Variants in COX10 observed in about 807,000 individuals in gnomAD.
COX10 encodes the protein cytochrome c oxidase assembly factor heme A:farnesyltransferase COX10, also known as protoheme IX farnesyltransferase, mitochondrial.
Under a neutral mutation model 37.3 loss-of-function variants are expected in COX10, and 27 were observed. The ratio of observed to expected loss-of-function variants is 0.72; its 90% CI spans 0.53 to 1.00. The LOEUF (loss-of-function observed/expected upper bound fraction) is 1.00, where lower values mean the gene tolerates loss of function less well. COX10 is among the 50% of genes least tolerant of loss of function. The pLI is 0.00. For synonymous variants in COX10, 222 were observed against 229.1 expected, an observed-to-expected ratio of 0.97 and a Z score of 0.28; for missense variants, 475 against 563.2, an observed-to-expected ratio of 0.84 and a Z score of 1.59.
At chr17:14,080,835 A>T in intron 3 of COX10, among the ~76,000 whole-genome samples, 1 of 147,550 alleles carries the variant, frequency 6.8e-6, no homozygotes, top group Non-Finnish European at 1.5e-5. Context: ...GTTTTGTTTT[A>T]TTTTGCCCCA....
chr17:14,072,135 T>C (rs749235388), intron 1 of COX10, among the ~76,000 whole-genome samples: 8 of 152,220 alleles, frequency 5.3e-5, no homozygotes, highest in Non-Finnish European at 1.0e-4. Flanking sequence ...AAATGTGACA[T>C]GTTTCAACGA....
intron 4 of COX10, among the ~76,000 whole-genome samples, chr17:14,122,924 C>G (rs1009280185): frequency 6.6e-6 from 1 of 152,150 alleles, no homozygotes; most frequent in Non-Finnish European, 1.5e-5. Context: ...TGGCATCCGC[C>G]CACTTCAGAA....
intron 4 of COX10, among the ~76,000 whole-genome samples, chr17:14,151,526 AACAC>A (rs58412592): frequency 0.026 from 3,706 of 144,640 alleles, 112 homozygotes; most frequent in African/African-American, 0.052. Context: ...TTCCTGAACT[AACAC>A]ACACACACAC....
intron 6 of COX10, among the ~76,000 whole-genome samples, chr17:14,195,795 A>G (rs1906351114): frequency 6.6e-6 from 1 of 152,134 alleles, no homozygotes; most frequent in African/African-American, 2.4e-5. Flanking sequence ...TTTATTTCTA[A>G]CAAGTTTCTA....
At chr17:14,078,257 T>A (rs951212404) in intron 3 of COX10, among the ~76,000 whole-genome samples, 1 of 152,160 alleles carries the variant, frequency 6.6e-6, no homozygotes, top group African/African-American at 2.4e-5. Context: ...GCTGACAAGT[T>A]AAGAATGACT....
At chr17:14,092,772 C>T (rs62054155) in intron 3 of COX10, among the ~76,000 whole-genome samples, 9,653 of 152,146 alleles carry the variant, frequency 0.063, 400 homozygotes, top group East Asian at 0.11. Context: ...TCATTAAGTA[C>T]AGCTATTTAG....
rs1321086195 is a variant in COX10 at position 14,207,563 on chromosome 17, C to T, written c.*350C>T. On this transcript the variant is annotated 3_prime_UTR_variant, in exon 7 of 7. Coordinates refer to ENST00000261643, the MANE Select transcript of COX10 (RefSeq NM_001303.4). ...GTTCCATCCTTACCACCACACCACA[C>T]GCACACTCCACATGCCCAGCAGAGT... The T allele has an allele frequency of 2.3e-5, 5 of 221,366 alleles. No homozygotes were observed. Among genetic ancestry groups the T allele is most frequent in the East Asian group, 1.1e-4 (1 of 9,402 alleles). 13.7% of individuals were successfully genotyped at this position (221,366 alleles called of 1,614,324 possible). A position where few individuals can be genotyped will look rare whatever the true frequency, so the allele number is the denominator to read the frequency against.
chr17:14,134,507 C>A (rs998083237), intron 4 of COX10, among the ~76,000 whole-genome samples: 6 of 151,712 alleles, frequency 4.0e-5, no homozygotes, highest in Non-Finnish European at 7.4e-5. Flanking sequence ...TGTTTCAGAG[C>A]ACAGAATAAC....
intron 3 of COX10, among the ~76,000 whole-genome samples, chr17:14,100,967 A>G (rs1476171532): frequency 6.6e-6 from 1 of 152,262 alleles, no homozygotes; most frequent in Non-Finnish European, 1.5e-5. Context: ...TTTATCCACT[A>G]GAAGACAAGT....
chr17:14,180,452 A>G lies in COX10; in HGVS notation c.696-11537A>G, dbSNP rs567475548. Among the ~76,000 whole-genome samples the G allele has an allele frequency of 1.8e-3, 280 of 152,274 alleles. 1 individual carries two copies. The highest frequency in any genetic ancestry group is 6.8e-3 in the Middle Eastern group (2 of 294). ...GTACATATTGTCATGCTTAGTCATT[A>G]CAATGGTTGAACAAGAGGAACGCTG... On this transcript the variant is annotated intron_variant, in intron 5 of 6. Coordinates refer to ENST00000261643, the MANE Select transcript of COX10 (RefSeq NM_001303.4).
chr17:14,096,944 C>T (rs554928635), intron 3 of COX10, among the ~76,000 whole-genome samples: 16 of 152,206 alleles, frequency 1.1e-4, no homozygotes, highest in South Asian at 1.0e-3. Flanking sequence ...CCCATGGGCT[C>T]CCAGAGTCAT....
At chr17:14,114,031 G>A (rs1233631470) in intron 4 of COX10, among the ~76,000 whole-genome samples, 1 of 152,042 alleles carries the variant, frequency 6.6e-6, no homozygotes, top group African/African-American at 2.4e-5. Flanking sequence ...TTTCCATTTT[G>A]CAGTTGTCAA....
intron 5 of COX10, among the ~76,000 whole-genome samples, chr17:14,170,320 GT>G (rs1041087662): frequency 7.9e-5 from 12 of 152,072 alleles, no homozygotes; most frequent in African/African-American, 2.4e-4. Context: ...GTATTATCCA[GT>G]TTTTTTAACT....
In COX10 at chr17:14,205,950, G is replaced by T. The variant is rs112817995; in HGVS notation, c.929-860G>T. On this transcript the variant is annotated intron_variant, in intron 6 of 6. Coordinates refer to ENST00000261643, the MANE Select transcript of COX10 (RefSeq NM_001303.4). ...AAAGGGGCAAAATGGTGCTCAGGGT[G>T]TTATGTCCTTGTTGAAAAATTACAA... 1.5e-3 allele frequency among the ~76,000 whole-genome samples: 226 copies of T among 152,292 alleles called. 1 individual carries two copies. Among genetic ancestry groups the T allele is most frequent in the African/African-American group, 5.3e-3 (219 of 41,566 alleles).
chr17:14,158,178 A>AT (rs1352648893), intron 4 of COX10, among the ~76,000 whole-genome samples: 2 of 152,116 alleles, frequency 1.3e-5, no homozygotes, highest in African/African-American at 4.8e-5. Flanking sequence ...GAAGAAAGAA[A>AT]AAAATAAATA....
At chr17:14,110,611 A>T (rs946903972) in intron 4 of COX10, among the ~76,000 whole-genome samples, 4 of 151,862 alleles carry the variant, frequency 2.6e-5, no homozygotes, top group African/African-American at 9.7e-5. Flanking sequence ...TTTTCTAATT[A>T]TCTCTTTCTT....
intron 6 of COX10, among the ~76,000 whole-genome samples, chr17:14,201,034 C>CA: frequency 6.6e-6 from 1 of 152,186 alleles, no homozygotes; most frequent in East Asian, 1.9e-4. Context: ...ACTTTGAAAA[C>CA]AGACTGTGCC....
intron 4 of COX10, among the ~76,000 whole-genome samples, chr17:14,103,768 C>T (rs1001175556): frequency 5.9e-5 from 9 of 152,084 alleles, no homozygotes; most frequent in Admixed American, 5.9e-4. Flanking sequence ...TACATTTAGA[C>T]AGAAATTGAA....
At chr17:14,115,229 C>T (rs1916083226) in intron 4 of COX10, among the ~76,000 whole-genome samples, 1 of 152,148 alleles carries the variant, frequency 6.6e-6, no homozygotes, top group African/African-American at 2.4e-5. Flanking sequence ...AATGAAACTA[C>T]ATTTTACGAT....
Sources: gnomAD v4.1 joint callset for allele counts (sites outside exome capture counted in the v4.1 genomes callset) on GRCh38, gnomAD v4.1.1 for gene constraint, MANE v1.5 for transcripts, NCBI Gene and HGNC (gene_info 2026-07-23, HGNC 2026-07-21) for gene names.